Variants in DNM3 observed in about 807,000 individuals in gnomAD.
The protein encoded by DNM3 is dynamin-3.
A neutral mutation model predicts 101.6 loss-of-function variants in DNM3; 47 were observed. The observed-to-expected ratio is 0.46, with a 90% CI of 0.37 to 0.59. DNM3 has a LOEUF of 0.59. Among genes scored for constraint, DNM3 ranks in the 20% least tolerant of loss-of-function variants. The pLI is 0.00. For missense variants in DNM3, 849 were observed against 1,085.7 expected (o/e 0.78, Z 3.06); for synonymous variants, 385 against 387.9 (o/e 0.99, Z 0.09).
At chr1:172,239,398 C>T (rs1012547312) in intron 14 of DNM3, among the ~76,000 whole-genome samples, 5 of 152,056 alleles carry the variant, frequency 3.3e-5, no homozygotes, top group Admixed American at 6.6e-5. Flanking sequence ...AACATGTATC[C>T]GAAGTCCCTG....
At chr1:171,912,675 A>G (rs1354060490) in intron 1 of DNM3, among the ~76,000 whole-genome samples, 1 of 152,236 alleles carries the variant, frequency 6.6e-6, no homozygotes. Context: ...TTCTGATGTC[A>G]CTCAAAACCT....
At chr1:171,886,545 A>T (rs1017528198) in intron 1 of DNM3, among the ~76,000 whole-genome samples, 4 of 151,846 alleles carry the variant, frequency 2.6e-5, no homozygotes, top group African/African-American at 9.7e-5. Context: ...TTTTTTTTTT[A>T]AAGAATCTAT....
intron 14 of DNM3, among the ~76,000 whole-genome samples, chr1:172,193,604 G>A (rs1482886942): frequency 6.6e-6 from 1 of 151,966 alleles, no homozygotes; most frequent in Admixed American, 6.6e-5. Flanking sequence ...TGTATGTGTC[G>A]AGGAATTTAT....
chr1:172,327,941 T>G (rs1384773940), intron 17 of DNM3, among the ~76,000 whole-genome samples: 1 of 152,176 alleles, frequency 6.6e-6, no homozygotes, highest in African/African-American at 2.4e-5. Context: ...AAAGCCTTAT[T>G]TTTGAATCCC....
At chr1:172,048,800 A>T (rs775319200) in intron 10 of DNM3, 50 bp downstream of exon 10, 1 of 1,586,410 alleles carries the variant, frequency 6.3e-7, no homozygotes. Context: ...GTTTATCAAC[A>T]TTCCCTATCT....
intron 1 of DNM3, among the ~76,000 whole-genome samples, chr1:171,859,674 G>A (rs1479612950): frequency 1.3e-5 from 2 of 152,104 alleles, no homozygotes; most frequent in Non-Finnish European, 2.9e-5. Context: ...GTCTAATGAA[G>A]AGGCATATAA....
chr1:172,360,308 T>TAATA (rs1210814017), intron 17 of DNM3, among the ~76,000 whole-genome samples: 2 of 152,040 alleles, frequency 1.3e-5, no homozygotes, highest in African/African-American at 4.8e-5. Context: ...GTCTTACATA[T>TAATA]AATAATAGGT....
At chr1:171,877,991 A>G (rs1046385549) in intron 1 of DNM3, among the ~76,000 whole-genome samples, 11 of 152,208 alleles carry the variant, frequency 7.2e-5, no homozygotes, top group African/African-American at 2.4e-4. Context: ...TAGAGTTTCT[A>G]TAGTACTTAG....
intron 2 of DNM3, among the ~76,000 whole-genome samples, chr1:171,960,334 T>TA (rs1405032931): frequency 2.0e-5 from 3 of 152,276 alleles, no homozygotes; most frequent in Admixed American, 1.3e-4. Flanking sequence ...ATAATAAAAT[T>TA]TATGTTGTTT....
chr1:171,946,291 G>A (rs141773275), intron 2 of DNM3, among the ~76,000 whole-genome samples: 27 of 152,258 alleles, frequency 1.8e-4, no homozygotes, highest in Middle Eastern at 3.4e-3. Context: ...ATGTACTAGA[G>A]TTCACAGAAA....
intron 16 of DNM3, among the ~76,000 whole-genome samples, chr1:172,320,397 GAAAA>G (rs11345178): frequency 7.2e-6 from 1 of 139,440 alleles, no homozygotes; most frequent in African/African-American, 2.6e-5. Flanking sequence ...ATAAAAAAAA[GAAAA>G]AAAAAAAAGA....
intron 13 of DNM3, among the ~76,000 whole-genome samples, chr1:172,129,986 G>A (rs1047795984): frequency 1.3e-5 from 2 of 152,098 alleles, no homozygotes; most frequent in African/African-American, 4.8e-5. Context: ...CTGAAACAGG[G>A]AATCAAGGGT....
chr1:172,092,826 C>T lies in DNM3; in HGVS notation c.1496C>T (p.Ala499Val). 1 of 1,556,994 alleles carries T rather than the reference C, an allele frequency of 6.4e-7. No individual in the cohort carries two copies. Among genetic ancestry groups the T allele is most frequent in the Non-Finnish European group, 8.7e-7 (1 of 1,149,442 alleles). The change falls in exon 13 of 21, where the codon GCT (alanine) becomes GTT (valine). Residue 499 changes from alanine to valine, a missense_variant and splice_region_variant. By Grantham distance (64) the Ala-to-Val change is moderately conservative. Coordinates refer to ENST00000627582, the MANE Select transcript of DNM3 (RefSeq NM_015569.5). ...CTGCTTTCCTTTGCTTTTCTCAGTG[C>T]TCAGCAGAGGAGCAGTCAGGTTCAC... ...NHEDFIGFANAQQRSSQVHKK... is the reference protein window; with the variant it reads ...NHEDFIGFANVQQRSSQVHKK...
At chr1:172,316,961 T>C (rs1272013688) in intron 16 of DNM3, among the ~76,000 whole-genome samples, 1 of 152,144 alleles carries the variant, frequency 6.6e-6, no homozygotes, top group African/African-American at 2.4e-5. Context: ...GCACCACACC[T>C]ATTCCAAAAT....
intron 15 of DNM3, among the ~76,000 whole-genome samples, chr1:172,261,685 G>A (rs1206422914): frequency 6.6e-6 from 1 of 152,194 alleles, no homozygotes; most frequent in Admixed American, 6.5e-5. Context: ...CATCCATCTG[G>A]GACCCAAGTG....
chr1:172,234,816 G>C (rs1025054183), intron 14 of DNM3, among the ~76,000 whole-genome samples: 2 of 152,126 alleles, frequency 1.3e-5, no homozygotes, highest in African/African-American at 4.8e-5. Context: ...GCTGAAACTG[G>C]ATCCCTTCCT....
chr1:172,125,429 C>A (rs1040878408), intron 13 of DNM3, among the ~76,000 whole-genome samples: 1 of 152,028 alleles, frequency 6.6e-6, no homozygotes, highest in Non-Finnish European at 1.5e-5. Context: ...TGAACTTACC[C>A]GTAACATACA....
chr1:172,099,492 C>T (rs538425450), intron 13 of DNM3, among the ~76,000 whole-genome samples: 24 of 151,624 alleles, frequency 1.6e-4, no homozygotes, highest in Non-Finnish European at 2.8e-4. Flanking sequence ...ATTTCTATAT[C>T]GTTGAACAGA....
intron 14 of DNM3, among the ~76,000 whole-genome samples, chr1:172,228,735 G>C (rs1488084409): frequency 1.3e-5 from 2 of 151,860 alleles, no homozygotes; most frequent in Non-Finnish European, 2.9e-5. Context: ...CTCTATTTCA[G>C]CTTTGTTATA....
Sources: allele counts gnomAD v4.1 joint callset (sites outside exome capture counted in the v4.1 genomes callset), GRCh38; gene constraint gnomAD v4.1.1; transcripts MANE v1.5; gene names NCBI Gene and HGNC (gene_info 2026-07-23, HGNC 2026-07-21).